ASTN2: variants seen among roughly 807,000 people sequenced by gnomAD.
ASTN2 encodes the protein astrotactin-2.
ASTN2 carries 54 observed loss-of-function variants against 139.8 expected under a neutral mutation model. The ratio of observed to expected loss-of-function variants is 0.39; its 90% CI spans 0.31 to 0.48. The LOEUF (loss-of-function observed/expected upper bound fraction) is 0.48. ASTN2 is among the 20% of genes least tolerant of loss of function. The probability of loss-of-function intolerance (pLI) is 0.95; values close to 1 mark genes in which losing one functional copy is unlikely to be tolerated. For synonymous variants in ASTN2, 756 were observed against 719.5 expected (o/e 1.05, Z -0.81); for missense variants, 1,565 against 1,725.1 (o/e 0.91, Z 1.64).
At chr9:116,746,775 A>T (rs113868610) in intron 13 of ASTN2, among the ~76,000 whole-genome samples, 3,531 of 152,146 alleles carry the variant, frequency 0.023, 142 homozygotes, top group South Asian at 0.16. Flanking sequence ...TGCTAGCATT[A>T]TCACACTGGA....
chr9:116,454,584 A>G (rs10739462), intron 20 of ASTN2, among the ~76,000 whole-genome samples: 52,948 of 152,126 alleles, frequency 0.35, 9,573 homozygotes, highest in East Asian at 0.49. Flanking sequence ...ATAAAGGCAC[A>G]TACACATATG....
chr9:117,215,225 A>G (rs1832274893), intron 2 of ASTN2, among the ~76,000 whole-genome samples: 1 of 152,136 alleles, frequency 6.6e-6, no homozygotes, highest in Non-Finnish European at 1.5e-5. Context: ...GAGTTAACTG[A>G]AAGATCATGA....
chr9:116,847,448 G>A lies in ASTN2; in HGVS notation c.2040+16135C>T, dbSNP rs150737502. On this transcript the variant is annotated intron_variant, in intron 11 of 22. Coordinates refer to ENST00000313400, the MANE Select transcript of ASTN2 (RefSeq NM_001365068.1). ...TATAAGCACCAAGGGCTGAGGCAAG[G>A]GAGGCCAGGGAACACTTTCCTAGGA... Among the ~76,000 whole-genome samples, 1,177 of 152,238 alleles carry A rather than the reference G, an allele frequency of 7.7e-3. 14 individuals carry two copies. Among genetic ancestry groups the A allele is most frequent in the Middle Eastern group, 0.027 (8 of 294 alleles).
chr9:117,062,325 A>T (rs1011359023), intron 5 of ASTN2, among the ~76,000 whole-genome samples: 64 of 152,136 alleles, frequency 4.2e-4, no homozygotes, highest in Non-Finnish European at 4.9e-4. Flanking sequence ...GCCACCACTC[A>T]CAACACTTAG....
intron 19 of ASTN2, among the ~76,000 whole-genome samples, chr9:116,544,720 G>A (rs1173204213): frequency 6.6e-6 from 1 of 152,144 alleles, no homozygotes; most frequent in Non-Finnish European, 1.5e-5. Context: ...CTTTGGATTA[G>A]GCGCTAGGGG....
At chr9:117,100,331 T>A (rs1170061387) in intron 4 of ASTN2, among the ~76,000 whole-genome samples, 1 of 152,174 alleles carries the variant, frequency 6.6e-6, no homozygotes, top group African/African-American at 2.4e-5. Context: ...TCAGAAACAA[T>A]GTCTATAAAC....
rs566954500 is a variant in ASTN2, at chr9:116,491,514, A to G, written c.3356-4014T>C. 1.2e-4 allele frequency among the ~76,000 whole-genome samples: 19 copies of G among 152,366 alleles called. No homozygotes were observed. The East Asian group carries it at 3.5e-3, about 28-fold the overall frequency. On this transcript the variant is annotated intron_variant, in intron 19 of 22. Transcript: ENST00000313400. ...ACACTCTTAGCTTGAGGAATGAGAC[A>G]ATAAAAGAAATGGTCCCTGACCTTC...
intron 16 of ASTN2, among the ~76,000 whole-genome samples, chr9:116,655,926 C>T (rs1858186125): frequency 6.6e-6 from 1 of 151,976 alleles, no homozygotes; most frequent in Non-Finnish European, 1.5e-5. Flanking sequence ...CAGCGTTTCA[C>T]CATGTTGCCC....
intron 19 of ASTN2, among the ~76,000 whole-genome samples, chr9:116,517,478 C>A (rs1035852248): frequency 1.3e-5 from 2 of 152,194 alleles, no homozygotes; most frequent in African/African-American, 2.4e-5. Flanking sequence ...TAAGGGAGCA[C>A]CCCATGGGAC....
intron 3 of ASTN2, among the ~76,000 whole-genome samples, chr9:117,147,464 C>CAA (rs58379572): frequency 1.4e-5 from 2 of 146,278 alleles, no homozygotes; most frequent in Non-Finnish European, 3.0e-5. Flanking sequence ...CACACACACA[C>CAA]CCCCGTTATC....
chr9:117,100,204 T>TA (rs1390948769), intron 4 of ASTN2, among the ~76,000 whole-genome samples: 1 of 152,212 alleles, frequency 6.6e-6, no homozygotes, highest in Non-Finnish European at 1.5e-5. Flanking sequence ...ATAACTACCA[T>TA]AAGGGTTTCC....
intron 10 of ASTN2, among the ~76,000 whole-genome samples, chr9:116,896,814 C>G (rs556843354): frequency 2.6e-5 from 4 of 152,240 alleles, no homozygotes; most frequent in East Asian, 3.9e-4. Flanking sequence ...CATTTACCAT[C>G]ATGAGAACAG....
In ASTN2 at chr9:116,699,380, G is replaced by A; in HGVS notation, c.2806+26391C>T. On this transcript the variant is annotated intron_variant, in intron 16 of 22. Transcript: ENST00000313400. This position sits in a 1 kb window ranked among gnomAD's most constrained non-coding sequence, Gnocchi z 4.2. The stretch of plus-strand genomic sequence containing the variant: ...AGAATCGGCAGAATGAGCACCACCT[G>A]GAGGGTGGCTTTTCCATTGGCTCTG... 1 of 1,614,208 alleles carries A rather than the reference G, an allele frequency of 6.2e-7. No homozygotes were observed. Among genetic ancestry groups the A allele is most frequent in the Non-Finnish European group, 8.5e-7 (1 of 1,180,044 alleles).
At chr9:116,905,290 C>G (rs949678437) in intron 10 of ASTN2, among the ~76,000 whole-genome samples, 1 of 152,148 alleles carries the variant, frequency 6.6e-6, no homozygotes, top group African/African-American at 2.4e-5. Flanking sequence ...TGGTGTGATA[C>G]AAAAGCGGCA....
intron 4 of ASTN2, among the ~76,000 whole-genome samples, chr9:117,111,136 A>G (rs1829238908): frequency 6.6e-6 from 1 of 152,240 alleles, no homozygotes; most frequent in Admixed American, 6.5e-5. Context: ...AACAAAACCC[A>G]AGAGTCTTCA....
At chr9:116,769,011 T>C (rs998358505) in intron 13 of ASTN2, among the ~76,000 whole-genome samples, 26 of 152,176 alleles carry the variant, frequency 1.7e-4, no homozygotes, top group African/African-American at 5.8e-4. Context: ...GGATATACCT[T>C]ACTTTACTAT....
At chr9:116,694,627 A>ATT (rs11340280) in intron 16 of ASTN2, among the ~76,000 whole-genome samples, 20 of 128,036 alleles carry the variant, frequency 1.6e-4, no homozygotes, top group African/African-American at 5.9e-4. Flanking sequence ...CGCCCAGCTA[A>ATT]TTTTTTTTTT....
chr9:116,576,439 C>T (rs1853724548), intron 19 of ASTN2, among the ~76,000 whole-genome samples: 1 of 152,134 alleles, frequency 6.6e-6, no homozygotes, highest in South Asian at 2.1e-4. Flanking sequence ...AGTATTTTAG[C>T]CAAAACAAAG....
chr9:117,230,611 G>A (rs1832861580), intron 2 of ASTN2, among the ~76,000 whole-genome samples: 1 of 152,158 alleles, frequency 6.6e-6, no homozygotes, highest in South Asian at 2.1e-4. Flanking sequence ...CCCGTACACT[G>A]AGGAAGGATA....
Sources: gnomAD v4.1 joint callset for allele counts (sites outside exome capture counted in the v4.1 genomes callset) on GRCh38, gnomAD v4.1.1 for gene constraint, Gnocchi (gnomAD v3.1) non-coding constraint, MANE v1.5 for transcripts, NCBI Gene and HGNC (gene_info 2026-07-23, HGNC 2026-07-21) for gene names.